Variants in TMEM132C observed in about 807,000 individuals in gnomAD.
TMEM132C encodes transmembrane protein 132C.
In TMEM132C, 29 loss-of-function variants were observed where a neutral mutation model predicts 61.4. The ratio of observed to expected loss-of-function variants is 0.47; its 90% CI spans 0.35 to 0.64. TMEM132C has a LOEUF of 0.64. TMEM132C is among the 30% of genes least tolerant of loss of function. The pLI is 0.00. For missense variants in TMEM132C, 1,408 were observed against 1,476.9 expected (o/e 0.95, Z 0.76); for synonymous variants, 656 against 633.1 (o/e 1.04, Z -0.54).
intron 4 of TMEM132C, among the ~76,000 whole-genome samples, chr12:128,619,004 A>G (rs890724194): frequency 1.3e-5 from 2 of 152,238 alleles, no homozygotes; most frequent in African/African-American, 2.4e-5. Flanking sequence ...TTGGTTCAGA[A>G]TAAGCTTTAG....
intron 8 of TMEM132C, among the ~76,000 whole-genome samples, chr12:128,702,346 AATTT>A (rs1480153671): frequency 2.1e-4 from 32 of 151,312 alleles, no homozygotes; most frequent in African/African-American, 6.5e-4. Flanking sequence ...TTTATTATGA[AATTT>A]ATTTATTATG....
Position 128,705,989 on chromosome 12 carries a change from G to C in TMEM132C, c.3021G>C (p.Glu1007Asp), listed in dbSNP as rs1004010409. ...ACCGCGGACCGGGGGCCTGCGAGGA[G>C]AGCAACCATCTCCTGCTCAATGGTG... ...IIDRGPGACE[E>D]SNHLLLNGGS... Residue 1007 changes from glutamate to aspartate, a missense_variant, in exon 9 of 9, where the codon GAG becomes GAC. Physicochemically the swap from Glu to Asp is conservative, Grantham distance 45 (BLOSUM62 2). Transcript: ENST00000435159. 4.5e-6 allele frequency: 7 copies of C among 1,551,582 alleles called. No individual in the cohort carries two copies. The highest frequency in any genetic ancestry group is 1.4e-5 in the African/African-American group (1 of 73,028).
At chr12:128,486,909 AC>A (rs1565950571) in intron 2 of TMEM132C, among the ~76,000 whole-genome samples, 23 of 118,696 alleles carry the variant, frequency 1.9e-4, no homozygotes, top group African/African-American at 6.9e-4. Context: ...ACACACACAC[AC>A]ACACACACAC....
chr12:128,334,865 G>A (rs1394204329), intron 1 of TMEM132C, among the ~76,000 whole-genome samples: 2 of 152,236 alleles, frequency 1.3e-5, no homozygotes, highest in East Asian at 3.9e-4. Context: ...CAAAGTGCTG[G>A]GATTACAGGC....
At chr12:128,318,174 A>G (rs1222576696) in intron 1 of TMEM132C, among the ~76,000 whole-genome samples, 1 of 152,206 alleles carries the variant, frequency 6.6e-6, no homozygotes, top group Non-Finnish European at 1.5e-5. Flanking sequence ...GTTTGGAAAA[A>G]ATACTGAACT....
intron 2 of TMEM132C, among the ~76,000 whole-genome samples, chr12:128,472,563 C>G (rs1029492863): frequency 2.0e-5 from 3 of 152,182 alleles, no homozygotes; most frequent in Non-Finnish European, 4.4e-5. Flanking sequence ...ACCATGGTGA[C>G]AGAAGCTTGG....
At chr12:128,351,149 A>T (rs558276322) in intron 1 of TMEM132C, among the ~76,000 whole-genome samples, 3 of 152,226 alleles carry the variant, frequency 2.0e-5, no homozygotes, top group African/African-American at 7.2e-5. Flanking sequence ...TTCATACCCC[A>T]TAGTAAGGAC....
At chr12:128,638,873 G>A (rs1954122691) in intron 4 of TMEM132C, among the ~76,000 whole-genome samples, 1 of 63,892 alleles carries the variant, frequency 1.6e-5, no homozygotes, top group South Asian at 4.8e-4. Context: ...ATGAAGAGGA[G>A]AATGGTGATG....
intron 2 of TMEM132C, among the ~76,000 whole-genome samples, chr12:128,514,943 G>A (rs754418605): frequency 9.2e-5 from 14 of 152,242 alleles, no homozygotes; most frequent in Non-Finnish European, 1.8e-4. Context: ...CTGAGTCCCC[G>A]AACAATAAAA....
intron 1 of TMEM132C, among the ~76,000 whole-genome samples, chr12:128,390,917 C>A (rs765882531): frequency 1.3e-5 from 2 of 152,178 alleles, no homozygotes; most frequent in Non-Finnish European, 2.9e-5. Flanking sequence ...AGAATCAGAT[C>A]ATCTTCTAGC....
intron 1 of TMEM132C, among the ~76,000 whole-genome samples, chr12:128,285,423 C>A (rs1367282269): frequency 6.6e-6 from 1 of 152,044 alleles, no homozygotes; most frequent in Admixed American, 6.5e-5. Flanking sequence ...ATAAAATTAT[C>A]TTATCACCAG....
At chr12:128,387,882 G>A (rs7954283) in intron 1 of TMEM132C, among the ~76,000 whole-genome samples, 5,278 of 152,310 alleles carry the variant, frequency 0.035, 327 homozygotes, top group African/African-American at 0.12. Context: ...AGCTGCCCGT[G>A]CAGGCGGGAG....
intron 3 of TMEM132C, among the ~76,000 whole-genome samples, chr12:128,607,288 C>T (rs945237674): frequency 6.6e-6 from 1 of 152,078 alleles, no homozygotes; most frequent in Non-Finnish European, 1.5e-5. Flanking sequence ...GTAGGAGAGT[C>T]CCAGGGGTGA....
intron 1 of TMEM132C, among the ~76,000 whole-genome samples, chr12:128,383,100 A>C (rs533800239): frequency 6.8e-6 from 1 of 147,282 alleles, no homozygotes; most frequent in East Asian, 2.1e-4. Flanking sequence ...ATCTGTGTGT[A>C]CATGTGTATA....
intron 2 of TMEM132C, among the ~76,000 whole-genome samples, chr12:128,439,490 T>C (rs1490214596): frequency 6.6e-6 from 1 of 152,204 alleles, no homozygotes; most frequent in Non-Finnish European, 1.5e-5. Flanking sequence ...GTTAGACTTA[T>C]TATCCAGGAA....
intron 2 of TMEM132C, among the ~76,000 whole-genome samples, chr12:128,441,315 C>A (rs1869776950): frequency 6.6e-6 from 1 of 152,190 alleles, no homozygotes; most frequent in Non-Finnish European, 1.5e-5. Context: ...CCTGACTGAC[C>A]TCTGTGGGCC....
At chr12:128,294,338 A>G (rs146989078) in intron 1 of TMEM132C, among the ~76,000 whole-genome samples, 4 of 152,278 alleles carry the variant, frequency 2.6e-5, no homozygotes, top group Middle Eastern at 3.4e-3. Flanking sequence ...ACCAGCCAAC[A>G]ATGCTCAACA....
chr12:128,693,406 G>T lies in TMEM132C; in HGVS notation c.1450-423G>T, dbSNP rs77229029. On this transcript the variant is annotated intron_variant, in intron 5 of 8. Coordinates refer to ENST00000435159, the MANE Select transcript of TMEM132C (RefSeq NM_001136103.3). Reference sequence around the variant, plus strand: ...CTGTACAAGTTCAAGTTCACTTTTTGATTGCAGTCTCACCTCAATCTGCTT... The same window carrying T: ...CTGTACAAGTTCAAGTTCACTTTTTTATTGCAGTCTCACCTCAATCTGCTT... Among the ~76,000 whole-genome samples the T allele has an allele frequency of 1.8e-3, 268 of 152,264 alleles. 3 individuals carry two copies. The highest frequency in any genetic ancestry group is 6.3e-3 in the African/African-American group (261 of 41,570).
At chr12:128,386,134 A>G (rs1457066866) in intron 1 of TMEM132C, among the ~76,000 whole-genome samples, 1 of 152,150 alleles carries the variant, frequency 6.6e-6, no homozygotes, top group Non-Finnish European at 1.5e-5. Flanking sequence ...GTGCCTCCCC[A>G]TCAGAACTCT....
Sources: gnomAD v4.1 joint callset for allele counts (sites outside exome capture counted in the v4.1 genomes callset) on GRCh38, gnomAD v4.1.1 for gene constraint, MANE v1.5 for transcripts, NCBI Gene and HGNC (gene_info 2026-07-23, HGNC 2026-07-21) for gene names.